ATP10B: variants seen among roughly 807,000 people sequenced by gnomAD.
ATP10B encodes the protein phospholipid-transporting ATPase VB.
In ATP10B, 122 loss-of-function variants were observed where a neutral mutation model predicts 141.2. The observed-to-expected ratio is 0.86, with a 90% CI of 0.75 to 1.00. The LOEUF (loss-of-function observed/expected upper bound fraction) is 1.00, where lower values mean the gene tolerates loss of function less well. Among genes scored for constraint, ATP10B ranks in the 50% least tolerant of loss-of-function variants. ATP10B has a pLI of 0.00. For missense variants in ATP10B, 1,876 were observed against 1,825.3 expected, an observed-to-expected ratio of 1.03 and a Z score of -0.51; for synonymous variants, 685 against 692.0, an observed-to-expected ratio of 0.99 and a Z score of 0.16.
At chr5:160,807,394 AAG>A (rs1216874883) in intron 1 of ATP10B, among the ~76,000 whole-genome samples, 1 of 152,192 alleles carries the variant, frequency 6.6e-6, no homozygotes, top group African/African-American at 2.4e-5. Context: ...AGAGCTGAGA[AAG>A]AGAATGGGCT....
the ATP10B span, among the ~76,000 whole-genome samples, chr5:160,901,798 C>T: frequency 1.3e-5 from 2 of 152,180 alleles, no homozygotes; most frequent in African/African-American, 4.8e-5. Context: ...ACTTTTTATA[C>T]AGTAGGACAC....
In ATP10B at chr5:160,656,702, C is replaced by CT. The variant is rs35379300; in HGVS notation, c.676-7447dup. 5.7e-4 allele frequency among the ~76,000 whole-genome samples: 84 copies of CT among 147,630 alleles called. 1 individual carries two copies. The highest frequency in any genetic ancestry group is 1.4e-3 in the African/African-American group (58 of 40,398). Reference sequence around the variant, plus strand: ...TCTTTTTTTTATAGTCACAAAGGGTCTTTTTTTTTTAAATGGAACCCATAG... The same window carrying CT: ...TCTTTTTTTTATAGTCACAAAGGGTCTTTTTTTTTTTAAATGGAACCCATAG... On this transcript the variant is annotated intron_variant, in intron 7 of 25. Coordinates refer to ENST00000327245, the MANE Select transcript of ATP10B (RefSeq NM_025153.3).
At chr5:160,806,563 T>C (rs1296157831) in intron 1 of ATP10B, among the ~76,000 whole-genome samples, 1 of 152,184 alleles carries the variant, frequency 6.6e-6, no homozygotes, top group Non-Finnish European at 1.5e-5. Context: ...GAAGAGGTCT[T>C]GGGAAGATGA....
Position 160,565,385 on chromosome 5 carries a change from G to GAAACCCTTT in ATP10B, c.*67_*68insAAAGGGTTT. ...CATTGTTTCCTCTATGAAGAAGAAG[G>GAAACCCTTT]GGTCAAGGGTTATGTGGACCAGTGA... On this transcript the variant is annotated 3_prime_UTR_variant, in exon 26 of 26. Transcript: ENST00000327245. The GAAACCCTTT allele has an allele frequency of 7.0e-7, 1 of 1,435,478 alleles. No homozygotes were observed. Among genetic ancestry groups the GAAACCCTTT allele is most frequent in the Non-Finnish European group, 9.6e-7 (1 of 1,038,116 alleles). The allele number at this position is 1,435,478 out of a possible 1,614,324, so 88.9% of individuals were successfully genotyped here.
intron 24 of ATP10B, among the ~76,000 whole-genome samples, chr5:160,584,833 T>C (rs952919975): frequency 7.9e-5 from 12 of 152,180 alleles, no homozygotes; most frequent in Non-Finnish European, 5.9e-5. Context: ...TTACTCTTAA[T>C]AGTGTAGCTT....
rs755811120 is a variant in ATP10B at position 160,617,931 on chromosome 5, G to A, written c.2459C>T (p.Ala820Val). The A allele has an allele frequency of 3.1e-6, 5 of 1,614,172 alleles. No homozygotes were observed. In the East Asian group the frequency reaches 1.1e-4, roughly 36 times the overall value. Residue 820 changes from alanine to valine, a missense_variant, in exon 16 of 26, where the codon GCC (alanine) becomes GTC (valine). Transcript: ENST00000327245. ...NMEKKLRKIR[A>V]RTQKHLDLYA... ...CAAGTCTAGATGCTTTTGGGTCCGGGCTCGGATTTTTCTCAGCTTCTTTTC... is the reference window on the plus strand; with the variant it reads ...CAAGTCTAGATGCTTTTGGGTCCGGACTCGGATTTTTCTCAGCTTCTTTTC...
At position 160,772,071 on chromosome 5, in the gene ATP10B, G is replaced by A. The variant is rs897347241; in HGVS notation, c.-331+13488C>T. ...CCATAACTTGGCTATTATGAGTAGCGCTGCAGTGAACGTGAGAGCAGAGAT... is the reference window on the plus strand; with the variant it reads ...CCATAACTTGGCTATTATGAGTAGCACTGCAGTGAACGTGAGAGCAGAGAT... On this transcript the variant is annotated intron_variant, in intron 2 of 25. Transcript: ENST00000327245. Among the ~76,000 whole-genome samples, 41 of 152,356 alleles carry A rather than the reference G, an allele frequency of 2.7e-4. 1 individual carries two copies. Among genetic ancestry groups the A allele is most frequent in the African/African-American group, 8.9e-4 (37 of 41,590 alleles).
At chr5:160,659,494 A>G (rs1204095680) in intron 7 of ATP10B, among the ~76,000 whole-genome samples, 1 of 150,784 alleles carries the variant, frequency 6.6e-6, no homozygotes, top group African/African-American at 2.5e-5. Flanking sequence ...AACAAAAACA[A>G]AAACAAACAA....
chr5:160,660,481 T>C (rs1761834214), intron 7 of ATP10B, among the ~76,000 whole-genome samples: 1 of 152,184 alleles, frequency 6.6e-6, no homozygotes, highest in Non-Finnish European at 1.5e-5. Context: ...TGAACACCTT[T>C]GGAGGATCCT....
chr5:160,876,998 C>A, the ATP10B span, among the ~76,000 whole-genome samples: 8 of 149,936 alleles, frequency 5.3e-5, no homozygotes, highest in East Asian at 1.0e-3. Context: ...CTATTCCAAT[C>A]AACAGAAAAA....
chr5:160,796,169 A>G (rs1294281449), intron 1 of ATP10B, among the ~76,000 whole-genome samples: 1 of 152,124 alleles, frequency 6.6e-6, no homozygotes, highest in East Asian at 1.9e-4. Flanking sequence ...ATTCTTAAGA[A>G]TTTACCATTC....
chr5:160,758,440 A>G (rs1768794298), intron 2 of ATP10B, among the ~76,000 whole-genome samples: 1 of 152,188 alleles, frequency 6.6e-6, no homozygotes, highest in Non-Finnish European at 1.5e-5. Flanking sequence ...TCAGAAATAC[A>G]TCCCTATATC....
At chr5:160,718,805 C>A (rs1160090125) in intron 2 of ATP10B, among the ~76,000 whole-genome samples, 1 of 152,168 alleles carries the variant, frequency 6.6e-6, no homozygotes, top group East Asian at 1.9e-4. Flanking sequence ...TCAGACCCCA[C>A]CTCCCATACT....
intron 18 of ATP10B, among the ~76,000 whole-genome samples, chr5:160,607,794 T>A (rs979318226): frequency 6.6e-6 from 1 of 152,212 alleles, no homozygotes; most frequent in Non-Finnish European, 1.5e-5. Context: ...AGAAAGTATT[T>A]CCTTTTTCAA....
the ATP10B span, among the ~76,000 whole-genome samples, chr5:160,880,475 T>C: frequency 3.3e-5 from 5 of 152,114 alleles, no homozygotes; most frequent in East Asian, 7.7e-4. Context: ...AGATGCAGAA[T>C]AGACAACAGA....
intron 2 of ATP10B, among the ~76,000 whole-genome samples, chr5:160,733,901 C>T (rs550408805): frequency 2.6e-5 from 4 of 151,624 alleles, no homozygotes; most frequent in African/African-American, 9.7e-5. Flanking sequence ...GTCAAGAGAT[C>T]GAGACCATCC....
chr5:160,755,606 G>A (rs1317643973), intron 2 of ATP10B, among the ~76,000 whole-genome samples: 1 of 149,916 alleles, frequency 6.7e-6, no homozygotes, highest in Non-Finnish European at 1.5e-5. Context: ...ACGAGGTCAG[G>A]AGATCGAGAC....
At chr5:160,840,754 A>C (rs1444490930) in intron 1 of ATP10B, among the ~76,000 whole-genome samples, 1 of 152,164 alleles carries the variant, frequency 6.6e-6, no homozygotes, top group Non-Finnish European at 1.5e-5. Context: ...ACTGGAAAAG[A>C]AGGAAAAATT....
intron 2 of ATP10B, among the ~76,000 whole-genome samples, chr5:160,721,443 G>C (rs1765997120): frequency 6.6e-6 from 1 of 152,154 alleles, no homozygotes; most frequent in African/African-American, 2.4e-5. Context: ...AAAGAGTTCT[G>C]AACAGGCTGC....
Sources: allele counts gnomAD v4.1 joint callset (sites outside exome capture counted in the v4.1 genomes callset), GRCh38; gene constraint gnomAD v4.1.1; transcripts MANE v1.5; gene names NCBI Gene and HGNC (gene_info 2026-07-23, HGNC 2026-07-21).